Variants in ATRNL1 observed in about 807,000 individuals in gnomAD.
The protein encoded by ATRNL1 is attractin-like protein 1.
In ATRNL1, 95 loss-of-function variants were observed where a neutral mutation model predicts 182.7. The ratio of observed to expected loss-of-function variants is 0.52; its 90% CI spans 0.44 to 0.62. The LOEUF is 0.62. ATRNL1 is among the 20% of genes least tolerant of loss of function. The probability of loss-of-function intolerance (pLI) is 0.00; values close to 1 mark genes in which losing one functional copy is unlikely to be tolerated. For missense variants in ATRNL1, 1,471 were observed against 1,679.5 expected (o/e 0.88, Z 2.17); for synonymous variants, 576 against 568.3 (o/e 1.01, Z -0.19).
At chr10:115,694,535 A>G (rs1020580240) in intron 26 of ATRNL1, among the ~76,000 whole-genome samples, 6 of 152,144 alleles carry the variant, frequency 3.9e-5, no homozygotes, top group African/African-American at 1.2e-4. Context: ...GAATTTATAT[A>G]TAAAATACAT....
intron 27 of ATRNL1, among the ~76,000 whole-genome samples, chr10:115,793,385 T>C (rs1367617249): frequency 7.9e-5 from 12 of 152,118 alleles, no homozygotes; most frequent in Non-Finnish European, 1.5e-4. Flanking sequence ...GGTTGTAAGT[T>C]CAGATATGCT....
At chr10:115,314,209 A>G (rs1854179250) in intron 17 of ATRNL1, among the ~76,000 whole-genome samples, 1 of 152,186 alleles carries the variant, frequency 6.6e-6, no homozygotes, top group African/African-American at 2.4e-5. Context: ...TTAAGAAAAT[A>G]CAGGAGGTGA....
At chr10:115,702,931 C>T (rs1946782045) in intron 26 of ATRNL1, among the ~76,000 whole-genome samples, 1 of 151,612 alleles carries the variant, frequency 6.6e-6, no homozygotes, top group Admixed American at 6.6e-5. Context: ...TGTAGATTTC[C>T]TATGGAACCA....
intron 24 of ATRNL1, among the ~76,000 whole-genome samples, chr10:115,478,657 T>A (rs1391910734): frequency 6.6e-6 from 1 of 151,714 alleles, no homozygotes; most frequent in Non-Finnish European, 1.5e-5. Context: ...ATTCACAGAT[T>A]CCACCTATAC....
At chr10:115,763,887 A>G (rs1948793472) in intron 27 of ATRNL1, among the ~76,000 whole-genome samples, 1 of 152,220 alleles carries the variant, frequency 6.6e-6, no homozygotes, top group South Asian at 2.1e-4. Context: ...CCTATTACAT[A>G]ACATTCACGT....
chr10:115,845,849 T>C (rs1175982023), intron 27 of ATRNL1, among the ~76,000 whole-genome samples: 1 of 152,110 alleles, frequency 6.6e-6, no homozygotes, highest in Non-Finnish European at 1.5e-5. Context: ...TCACTATCGT[T>C]TAAACCTTGA....
intron 27 of ATRNL1, among the ~76,000 whole-genome samples, chr10:115,762,806 T>G (rs1948765064): frequency 6.6e-6 from 1 of 152,128 alleles, no homozygotes; most frequent in Non-Finnish European, 1.5e-5. Flanking sequence ...TTTAATAACT[T>G]TACTTTTGAA....
chr10:115,122,220 G>A (rs1844769719), intron 3 of ATRNL1, among the ~76,000 whole-genome samples: 1 of 151,588 alleles, frequency 6.6e-6, no homozygotes, highest in South Asian at 2.1e-4. Flanking sequence ...GCATAAAAGG[G>A]TTAAGTTATG....
chr10:115,896,517 AG>A (rs1774051878), intron 28 of ATRNL1, among the ~76,000 whole-genome samples: 1 of 152,214 alleles, frequency 6.6e-6, no homozygotes, highest in African/African-American at 2.4e-5. Flanking sequence ...AGGTATAAAA[AG>A]ATCTGGTAAA....
intron 28 of ATRNL1, among the ~76,000 whole-genome samples, chr10:115,850,378 G>A (rs1951027219): frequency 6.6e-6 from 1 of 152,144 alleles, no homozygotes; most frequent in Admixed American, 6.5e-5. Context: ...CATCATCTAG[G>A]TTTTCCCAGA....
At chr10:115,887,380 C>A (rs190995771) in intron 28 of ATRNL1, among the ~76,000 whole-genome samples, 12 of 152,288 alleles carry the variant, frequency 7.9e-5, no homozygotes, top group Admixed American at 2.0e-4. Context: ...AGTGCAAGAT[C>A]AAGGCACCAG....
In ATRNL1 at chr10:115,640,361, A is replaced by T. The variant is rs565592470; in HGVS notation, c.3796-86887A>T. 3.9e-5 allele frequency among the ~76,000 whole-genome samples: 6 copies of T among 152,310 alleles called. No individual in the cohort carries two copies. In the South Asian group the frequency reaches 1.2e-3, roughly 32 times the overall value. ...TTGAGGAATTGCCATACTGTCTTCCACAATGGTTGAACCTAATTTACACTC... is the reference window on the plus strand; with the variant it reads ...TTGAGGAATTGCCATACTGTCTTCCTCAATGGTTGAACCTAATTTACACTC... On this transcript the variant is annotated intron_variant, in intron 26 of 28. Transcript: ENST00000355044.
chr10:115,109,483 T>C (rs1171168103), intron 1 of ATRNL1, among the ~76,000 whole-genome samples: 2 of 152,158 alleles, frequency 1.3e-5, no homozygotes, highest in Non-Finnish European at 2.9e-5. Flanking sequence ...GAAATCATCC[T>C]TTTATAAGGA....
At chr10:115,640,027 T>C (rs1859137633) in intron 26 of ATRNL1, among the ~76,000 whole-genome samples, 1 of 152,014 alleles carries the variant, frequency 6.6e-6, no homozygotes, top group Non-Finnish European at 1.5e-5. Flanking sequence ...AACTCGAACA[T>C]CCCGTGTTTG....
chr10:115,191,489 C>T (rs936084213), intron 8 of ATRNL1, among the ~76,000 whole-genome samples: 3 of 151,906 alleles, frequency 2.0e-5, no homozygotes, highest in Non-Finnish European at 1.5e-5. Flanking sequence ...TACCTGTTTG[C>T]CATTTTTATG....
chr10:115,573,922 TAAGAA>T (rs1289585461), intron 26 of ATRNL1, among the ~76,000 whole-genome samples: 1 of 152,122 alleles, frequency 6.6e-6, no homozygotes, highest in African/African-American at 2.4e-5. Context: ...GGTATGTAAT[TAAGAA>T]AAGAGTTGAA....
intron 27 of ATRNL1, among the ~76,000 whole-genome samples, chr10:115,777,540 A>T (rs1454946062): frequency 2.0e-5 from 3 of 152,200 alleles, no homozygotes; most frequent in African/African-American, 7.2e-5. Flanking sequence ...TAATTGACCC[A>T]AATTCCATGG....
intron 26 of ATRNL1, among the ~76,000 whole-genome samples, chr10:115,613,558 T>A (rs1245047348): frequency 2.6e-5 from 4 of 152,182 alleles, no homozygotes; most frequent in South Asian, 4.1e-4. Flanking sequence ...TTAGAAAAAA[T>A]TCCTTCTTCA....
intron 25 of ATRNL1, among the ~76,000 whole-genome samples, chr10:115,529,157 G>C (rs1314776200): frequency 1.3e-5 from 2 of 151,748 alleles, no homozygotes; most frequent in Non-Finnish European, 2.9e-5. Flanking sequence ...CTAGACCTCT[G>C]TTTCCTTTAT....
Sources: gnomAD v4.1 joint callset for allele counts (sites outside exome capture counted in the v4.1 genomes callset) on GRCh38, gnomAD v4.1.1 for gene constraint, MANE v1.5 for transcripts, NCBI Gene and HGNC (gene_info 2026-07-23, HGNC 2026-07-21) for gene names.